The following CELSR3 variants were observed in gnomAD, a reference collection of about 807,000 sequenced individuals.
CELSR3 encodes cadherin EGF LAG seven-pass G-type receptor 3, also known as EGF-like protein 1.
Under a neutral mutation model 270.0 loss-of-function variants are expected in CELSR3, and 73 were observed. That is an observed-to-expected ratio of 0.27 (90% CI 0.22 to 0.33). CELSR3 has a LOEUF of 0.33. Ranked by LOEUF, CELSR3 falls within the 10% of genes least tolerant of loss-of-function variation. CELSR3 has a pLI of 1.00. For missense variants in CELSR3, 3,614 were observed against 4,533.8 expected (o/e 0.80, Z 5.83); for synonymous variants, 1,780 against 1,905.4 (o/e 0.93, Z 1.71).
Position 48,644,056 on chromosome 3 carries a change from G to A in CELSR3, c.8165+160C>T, listed in dbSNP as rs2047055218. 4.8e-6 allele frequency: 3 copies of A among 628,046 alleles called. No homozygotes were observed. Among genetic ancestry groups the A allele is most frequent in the Non-Finnish European group, 8.6e-6 (3 of 350,642 alleles). 38.9% of individuals were successfully genotyped at this position (628,046 alleles called of 1,614,324 possible). ...ACATGTGGGGCTACAGTATAGCGAG[G>A]GCGCCAGAGAGGGACCACAGGTCAG... On this transcript the variant is annotated intron_variant, in intron 27 of 34. Coordinates refer to ENST00000164024, the MANE Select transcript of CELSR3 (RefSeq NM_001407.3). This position sits in a 1 kb window ranked among gnomAD's most constrained non-coding sequence, Gnocchi z 4.8.
Position 48,638,245 on chromosome 3 carries a change from G to C in CELSR3, c.9912-13C>G. On this transcript the variant is annotated splice_polypyrimidine_tract_variant and intron_variant, in intron 34 of 34. Transcript: ENST00000164024. ...ACTTCTGGGAACTCTGGAGGCACAT[G>C]AGGAAATCAGAGGTTGATGCCCAGA... 1.2e-6 allele frequency: 2 copies of C among 1,609,638 alleles called. No individual in the cohort carries two copies. Among genetic ancestry groups the C allele is most frequent in the South Asian group, 2.2e-5 (2 of 91,030 alleles).
intron 19 of CELSR3, 72 bp from the exon 20 acceptor site, chr3:48,648,068 CT>C: frequency 1.9e-6 from 3 of 1,565,032 alleles, no homozygotes; most frequent in Middle Eastern, 1.7e-4. Flanking sequence ...CTCCCTCTTA[CT>C]CGCATCCCGC....
Position 48,642,862 on chromosome 3 carries a change from G to A in CELSR3, c.8429C>T (p.Thr2810Met), listed in dbSNP as rs200894523. The change falls in exon 30 of 35, where the codon ACG (threonine) becomes ATG (methionine). Residue 2810 changes from threonine (T) to methionine (M), a missense_variant. Physicochemically the swap from Thr to Met is moderately conservative, Grantham distance 81. This residue lies in a region of CELSR3 where 1,240 missense variants were observed against 1,351.7 expected (regional missense o/e 0.92). Transcript: ENST00000164024. The surrounding 1 kb of genome is among the most constrained non-coding windows in gnomAD (Gnocchi z 6.1). ...GAGGCCACTCTCCTCAAAGAGAGCC[G>A]TGTTGTTGTAGGCCCCAGGTCCCTG... Reference protein sequence around the residue: ...PGLGPGAYNNTALFEESGLIR... With the variant: ...PGLGPGAYNNMALFEESGLIR... The A allele has an allele frequency of 1.2e-4, 199 of 1,613,206 alleles. 1 individual carries two copies. Among genetic ancestry groups the A allele is most frequent in the Middle Eastern group, 5.0e-4 (3 of 6,060 alleles).
intron 3 of CELSR3, 68 bp downstream of exon 3, chr3:48,656,072 A>G (rs1225138168): frequency 2.0e-5 from 26 of 1,276,826 alleles, no homozygotes; most frequent in Non-Finnish European, 2.1e-5. Context: ...CGGGGCAGTC[A>G]GGAATCTGAG....
In CELSR3 at chr3:48,643,606, T is replaced by C. The variant is rs1305798343; in HGVS notation, c.8237A>G (p.Asn2746Ser). 2 of 1,550,894 alleles carry C rather than the reference T, an allele frequency of 1.3e-6. No individual in the cohort carries two copies. The highest frequency in any genetic ancestry group is 2.4e-5 in the East Asian group (1 of 40,916). Residue 2746 changes from asparagine (N) to serine (S), a missense_variant, in exon 28 of 35, where the codon AAC (asparagine) becomes AGC (serine). Asn to Ser is a conservative substitution (Grantham distance 46). This residue lies in a region of CELSR3 where 1,240 missense variants were observed against 1,351.7 expected (regional missense o/e 0.92). Transcript: ENST00000164024. ...ASWLFGLLAVNHSILAFHYLH... is the reference protein window; with the variant it reads ...ASWLFGLLAVSHSILAFHYLH... ...GTAGTGGAAGGCTAGGATGCTGTGG[T>C]TGACTGCCAGGAGCCCAAAGAGCCA...
rs755164071 is a variant in CELSR3, at chr3:48,643,076, G to T, written c.8297C>A (p.Ala2766Glu). 3 of 1,609,316 alleles carry T rather than the reference G, an allele frequency of 1.9e-6. No individual in the cohort carries two copies. The highest frequency in any genetic ancestry group is 2.5e-6 in the Non-Finnish European group (3 of 1,176,780). ...TAGGACACAGAAGAGCAGCAGCACC[G>T]CCAGGCCCTGTGGGTCAGCGAGGGT... is the stretch of plus-strand genomic sequence containing the variant. Reference protein sequence around the residue: ...HAGLCGLQGLAVLLLFCVLNA... With the variant: ...HAGLCGLQGLEVLLLFCVLNA... The change falls in exon 29 of 35, where the codon GCG becomes GAG. Residue 2766 changes from alanine to glutamate, a missense_variant. Transcript: ENST00000164024.
In CELSR3 at chr3:48,640,319, G is replaced by T. The variant is rs1276301511; in HGVS notation, c.9266C>A (p.Pro3089His). The change falls in exon 34 of 35, where the codon CCT becomes CAT. Residue 3089 changes from proline to histidine, a missense_variant. Pro to His is a moderately conservative substitution (Grantham distance 77). Around this residue, in one of 7 missense-constraint regions of CELSR3, gnomAD observed 1,240 missense variants for 1,351.7 expected, o/e 0.92. Coordinates refer to ENST00000164024, the MANE Select transcript of CELSR3 (RefSeq NM_001407.3). The surrounding 1 kb of genome is among the most constrained non-coding windows in gnomAD (Gnocchi z 7.5). ...GCTCAGGGGACGTAGAACAGGGGCA[G>T]GGGCTTCCTCTAGTCGCTCACGGCT... is the stretch of plus-strand genomic sequence containing the variant. ...QLSRERLEEA[P>H]APVLRPLSRP... 1 of 1,612,848 alleles carries T rather than the reference G, an allele frequency of 6.2e-7. No homozygotes were observed. The highest frequency in any genetic ancestry group is 1.7e-5 in the Admixed American group (1 of 60,030).
chr3:48,648,602 G>A (rs2047109619), intron 18 of CELSR3, 117 bp downstream of exon 18: 2 of 1,391,462 alleles, frequency 1.4e-6, no homozygotes, highest in South Asian at 2.8e-5. Context: ...AAGGACAGAG[G>A]GAGAGCCCAG....
intron 34 of CELSR3, among the ~76,000 whole-genome samples, chr3:48,638,497 C>T (rs1423230523): frequency 2.0e-5 from 3 of 152,156 alleles, no homozygotes; most frequent in Non-Finnish European, 2.9e-5. Flanking sequence ...CTATATTGAG[C>T]ACTTGACAGA....
rs959420749 is a variant in CELSR3, at chr3:48,641,053, C to T, written c.9025+271G>A. The T allele has an allele frequency of 2.0e-6, 1 of 497,968 alleles. No individual in the cohort carries two copies. Among genetic ancestry groups the T allele is most frequent in the Non-Finnish European group, 3.6e-6 (1 of 280,336 alleles). 30.8% of individuals were successfully genotyped at this position (497,968 alleles called of 1,614,324 possible). A position where few individuals can be genotyped will look rare whatever the true frequency, so the allele number is the denominator to read the frequency against. On this transcript the variant is annotated intron_variant, in intron 33 of 34. Transcript: ENST00000164024. The surrounding 1 kb of genome is among the most constrained non-coding windows in gnomAD (Gnocchi z 4.8). ...GGGTGGGGGGCAGGGGGAAGCAGCT[C>T]CTAGGGTCTCTGAAAAACAGATGGG...
rs1452505975 is a variant in CELSR3, at chr3:48,662,715, C to G, written c.-81G>C. The G allele has an allele frequency of 6.0e-5, 33 of 548,224 alleles. No individual in the cohort carries two copies. Among genetic ancestry groups the G allele is most frequent in the Non-Finnish European group, 9.0e-5 (33 of 368,126 alleles). 34.0% of individuals were successfully genotyped at this position (548,224 alleles called of 1,614,324 possible). Reference sequence around the variant, plus strand: ...TGGCCCCGCCGCTCGGGCCCCCTCCCGGGCCCCTGCCGCCGCCCCGGGCCC... The same window carrying G: ...TGGCCCCGCCGCTCGGGCCCCCTCCGGGGCCCCTGCCGCCGCCCCGGGCCC... On this transcript the variant is annotated 5_prime_UTR_variant, in exon 1 of 35. Coordinates refer to ENST00000164024, the MANE Select transcript of CELSR3 (RefSeq NM_001407.3). This position sits in a 1 kb window ranked among gnomAD's most constrained non-coding sequence, Gnocchi z 7.1.
In CELSR3 at chr3:48,656,686, C is replaced by A; in HGVS notation, c.4399+12G>T. 6.8e-7 allele frequency: 1 copy of A among 1,471,050 alleles called. No individual in the cohort carries two copies. The highest frequency in any genetic ancestry group is 8.9e-7 in the Non-Finnish European group (1 of 1,118,014). 91.1% of individuals were successfully genotyped at this position (1,471,050 alleles called of 1,614,324 possible). On this transcript the variant is annotated intron_variant, in intron 2 of 34. Coordinates refer to ENST00000164024, the MANE Select transcript of CELSR3 (RefSeq NM_001407.3). Reference sequence around the variant, plus strand: ...CGTGCTTCCCCCAGCTCTGGCCCGGCGCCCTGCTCACCGGTGAAGCGCGGG... The same window carrying A: ...CGTGCTTCCCCCAGCTCTGGCCCGGAGCCCTGCTCACCGGTGAAGCGCGGG...
In CELSR3 at chr3:48,648,807, G is replaced by A; in HGVS notation, c.6689C>T (p.Thr2230Ile). The change falls in exon 18 of 35, where the codon ACT becomes ATT. Residue 2230 changes from threonine (T) to isoleucine (I), a missense_variant. Coordinates refer to ENST00000164024, the MANE Select transcript of CELSR3 (RefSeq NM_001407.3). Reference protein sequence around the residue: ...DHYFSQDVRVTARLLAHLLAF... With the variant: ...DHYFSQDVRVIARLLAHLLAF... ...CAGCAGGTGGGCCAGCAGGCGGGCA[G>A]TGACTCGAACATCTTGGCTAAAATA... The A allele has an allele frequency of 6.2e-7, 1 of 1,613,010 alleles. No homozygotes were observed. The highest frequency in any genetic ancestry group is 8.5e-7 in the Non-Finnish European group (1 of 1,180,018).
chr3:48,642,956 T>G lies in CELSR3; in HGVS notation c.8406+11A>C, dbSNP rs754714134. 1.2e-6 allele frequency: 2 copies of G among 1,611,000 alleles called. No individual in the cohort carries two copies. Among genetic ancestry groups the G allele is most frequent in the Non-Finnish European group, 1.7e-6 (2 of 1,178,516 alleles). ...AAACTCTGGCTTCTCAGGGCCCCCA[T>G]CCCGACTCACCAGCCCAGGTGCTGG... On this transcript the variant is annotated intron_variant, in intron 29 of 34. Transcript: ENST00000164024. This position sits in a 1 kb window ranked among gnomAD's most constrained non-coding sequence, Gnocchi z 6.1.
In CELSR3 at chr3:48,659,090, T is replaced by C. The variant is rs2077045408; in HGVS notation, c.3545A>G (p.Asn1182Ser). Residue 1182 changes from asparagine to serine, a missense_variant, in exon 1 of 35, where the codon AAC becomes AGC. Transcript: ENST00000164024. This position sits in a 1 kb window ranked among gnomAD's most constrained non-coding sequence, Gnocchi z 8.1. ...GCCCGACGGGAAGGTGTCTGAACGGTTGGATACATAGTTGTTGAAGAGGAT... is the reference window on the plus strand; with the variant it reads ...GCCCGACGGGAAGGTGTCTGAACGGCTGGATACATAGTTGTTGAAGAGGAT... ...FQILFNNYVS[N>S]RSDTFPSGII... 1 of 1,613,980 alleles carries C rather than the reference T, an allele frequency of 6.2e-7. No homozygotes were observed. Among genetic ancestry groups the C allele is most frequent in the Non-Finnish European group, 8.5e-7 (1 of 1,180,010 alleles).
chr3:48,648,413 A>G lies in CELSR3; in HGVS notation c.6826T>C (p.Leu2276=). The G allele has an allele frequency of 6.2e-7, 1 of 1,605,078 alleles. No homozygotes were observed. Among genetic ancestry groups the G allele is most frequent in the Non-Finnish European group, 8.5e-7 (1 of 1,176,816 alleles). ...GCCCGCTGCCCCAGCGCCGCCCACA[A>G]GTCCCCTGTCTCTGGGGCAAGCAGT... ...SALLAPETGD[L]WAALGQRAPG... Residue 2276 remains leucine (L), a synonymous_variant, in exon 19 of 35, where the codon TTG becomes CTG. Coordinates refer to ENST00000164024, the MANE Select transcript of CELSR3 (RefSeq NM_001407.3).
Position 48,641,753 on chromosome 3 carries a change from G to A in CELSR3, c.8824+98C>T. The A allele has an allele frequency of 8.0e-7, 1 of 1,255,588 alleles. No homozygotes were observed. The highest frequency in any genetic ancestry group is 1.1e-6 in the Non-Finnish European group (1 of 933,626). The allele number at this position is 1,255,588 out of a possible 1,614,324, so 77.8% of individuals were successfully genotyped here. The stretch of plus-strand genomic sequence containing the variant: ...AACCTGATGACTGAGGGGTCAGAAA[G>A]ACCAGGATGAACCCCAACCGCAGGA... On this transcript the variant is annotated intron_variant, in intron 32 of 34. Coordinates refer to ENST00000164024, the MANE Select transcript of CELSR3 (RefSeq NM_001407.3). The surrounding 1 kb of genome is among the most constrained non-coding windows in gnomAD (Gnocchi z 4.8).
Position 48,645,158 on chromosome 3 carries a change from A to G in CELSR3, c.7849T>C (p.Phe2617Leu). 1.3e-6 allele frequency: 2 copies of G among 1,595,666 alleles called. No homozygotes were observed. The highest frequency in any genetic ancestry group is 1.1e-5 in the South Asian group (1 of 90,374). ...AGCCCCTGCACGAAGAGCCACGCGAAGGTGCTGAGGAAGAAGTAGTGCAGG... is the reference window on the plus strand; with the variant it reads ...AGCCCCTGCACGAAGAGCCACGCGAGGGTGCTGAGGAAGAAGTAGTGCAGG... ...ILLHYFFLST[F>L]AWLFVQGLHL... Residue 2617 changes from phenylalanine to leucine, a missense_variant, in exon 25 of 35, where the codon TTC becomes CTC. This residue lies in a region of CELSR3 where 1,240 missense variants were observed against 1,351.7 expected (regional missense o/e 0.92). Transcript: ENST00000164024. This position sits in a 1 kb window ranked among gnomAD's most constrained non-coding sequence, Gnocchi z 5.4.
rs2047027162 is a variant in CELSR3, at chr3:48,641,599, T to G, written c.8825-75A>C. ...TCATGACCCCTGACCCTAATGACCCTTGAAACCCTGGCTGTTCTCATTGAG... is the reference window on the plus strand; with the variant it reads ...TCATGACCCCTGACCCTAATGACCCGTGAAACCCTGGCTGTTCTCATTGAG... On this transcript the variant is annotated intron_variant, in intron 32 of 34. Coordinates refer to ENST00000164024, the MANE Select transcript of CELSR3 (RefSeq NM_001407.3). The surrounding 1 kb of genome is among the most constrained non-coding windows in gnomAD (Gnocchi z 4.8). 8.6e-7 allele frequency: 1 copy of G among 1,158,482 alleles called. No homozygotes were observed. The highest frequency in any genetic ancestry group is 1.5e-5 in the African/African-American group (1 of 65,098). 71.8% of individuals were successfully genotyped at this position (1,158,482 alleles called of 1,614,324 possible).
Sources: allele counts gnomAD v4.1 joint callset (sites outside exome capture counted in the v4.1 genomes callset), GRCh38; gene constraint gnomAD v4.1.1; regional missense constraint gnomAD v4.1.1; non-coding constraint Gnocchi (gnomAD v3.1); transcripts MANE v1.5; gene names NCBI Gene and HGNC (gene_info 2026-07-23, HGNC 2026-07-21).